The following VPS35L variants were observed in gnomAD, a reference collection of about 807,000 sequenced individuals.
VPS35L encodes VPS35 endosomal protein-sorting factor-like.
In VPS35L, 83 loss-of-function variants were observed where a neutral mutation model predicts 133.0. That is an observed-to-expected ratio of 0.62 (90% CI 0.52 to 0.75). The LOEUF (loss-of-function observed/expected upper bound fraction) is 0.75, where lower values mean the gene tolerates loss of function less well. Among genes scored for constraint, VPS35L ranks in the 30% least tolerant of loss-of-function variants. VPS35L has a pLI of 0.00. For missense variants in VPS35L, 1,083 were observed against 1,206.8 expected (o/e 0.90, Z 1.52); for synonymous variants, 423 against 449.9 (o/e 0.94, Z 0.76).
At chr16:19,635,456 AC>A (rs1189860066) in intron 19 of VPS35L, among the ~76,000 whole-genome samples, 2 of 152,240 alleles carry the variant, frequency 1.3e-5, no homozygotes, top group Non-Finnish European at 2.9e-5. Context: ...TTGTGAACTA[AC>A]ACAGACTAAA....
chr16:19,648,961 A>C (rs1159258866), intron 24 of VPS35L, among the ~76,000 whole-genome samples: 1 of 151,352 alleles, frequency 6.6e-6, no homozygotes, highest in East Asian at 1.9e-4. Context: ...GAAAGTATAT[A>C]TATAAATTGA....
chr16:19,561,450 G>A (rs1178053920), intron 1 of VPS35L, among the ~76,000 whole-genome samples: 3 of 152,182 alleles, frequency 2.0e-5, no homozygotes, highest in South Asian at 2.1e-4. Flanking sequence ...ACTTGAAGCC[G>A]AGTTCATTTA....
chr16:19,590,345 G>T (rs1972007788), intron 7 of VPS35L, among the ~76,000 whole-genome samples: 2 of 151,988 alleles, frequency 1.3e-5, no homozygotes, highest in Admixed American at 1.3e-4. Flanking sequence ...CTGCATATTG[G>T]AATTGCATAT....
chr16:19,600,908 G>A (rs1412994099), intron 8 of VPS35L, among the ~76,000 whole-genome samples: 1 of 152,154 alleles, frequency 6.6e-6, no homozygotes, highest in Non-Finnish European at 1.5e-5. Context: ...TGGCATGTGA[G>A]TTCTCCCAAG....
At chr16:19,649,622 C>T (rs61611363) in intron 24 of VPS35L, among the ~76,000 whole-genome samples, 11,306 of 152,242 alleles carry the variant, frequency 0.074, 1,116 homozygotes, top group African/African-American at 0.22. Context: ...AAAACGGTGG[C>T]GCCCCTGTGA....
chr16:19,595,812 C>G (rs1972196904), intron 8 of VPS35L, among the ~76,000 whole-genome samples: 1 of 152,214 alleles, frequency 6.6e-6, no homozygotes, highest in South Asian at 2.1e-4. Flanking sequence ...AAACCTTCAA[C>G]AGATGATGAC....
intron 27 of VPS35L, among the ~76,000 whole-genome samples, chr16:19,680,501 C>T (rs1975234170): frequency 6.6e-6 from 1 of 152,160 alleles, no homozygotes; most frequent in African/African-American, 2.4e-5. Context: ...GCCTGTCCTC[C>T]TGGAGGTTAT....
At chr16:19,572,978 T>C in intron 3 of VPS35L, 141 bp from the exon 4 acceptor site, 1 of 992,242 alleles carries the variant, frequency 1.0e-6, no homozygotes, top group Non-Finnish European at 1.4e-6. Context: ...CCTGGCGCTG[T>C]AATTTTTTTT....
chr16:19,623,197 TC>T (rs1474284375), intron 14 of VPS35L, among the ~76,000 whole-genome samples: 3 of 138,868 alleles, frequency 2.2e-5, no homozygotes, highest in Admixed American at 2.1e-4. Flanking sequence ...CTGCTTGGGC[TC>T]CCTTAACAAA....
intron 7 of VPS35L, among the ~76,000 whole-genome samples, chr16:19,590,902 C>G (rs952878309): frequency 2.0e-5 from 3 of 152,118 alleles, no homozygotes; most frequent in African/African-American, 7.2e-5. Context: ...CTGCAGTAAG[C>G]TATGATTGCA....
intron 21 of VPS35L, among the ~76,000 whole-genome samples, chr16:19,641,657 C>A (rs1015735484): frequency 2.6e-5 from 4 of 151,872 alleles, no homozygotes; most frequent in African/African-American, 7.3e-5. Context: ...AATTTACTTA[C>A]CTAAAGATTT....
At chr16:19,681,277 TTC>T (rs1491193840) in intron 27 of VPS35L, among the ~76,000 whole-genome samples, 1 of 152,238 alleles carries the variant, frequency 6.6e-6, no homozygotes, top group African/African-American at 2.4e-5. Flanking sequence ...GCTGGGGTAT[TTC>T]TCCCCCATTC....
intron 26 of VPS35L, among the ~76,000 whole-genome samples, chr16:19,664,838 T>C (rs1188894601): frequency 6.6e-6 from 1 of 150,864 alleles, no homozygotes; most frequent in African/African-American, 2.4e-5. Flanking sequence ...AGGCGGAGGC[T>C]GCAGTGAGCT....
At chr16:19,607,248 C>G (rs1972563891) in intron 9 of VPS35L, among the ~76,000 whole-genome samples, 1 of 152,172 alleles carries the variant, frequency 6.6e-6, no homozygotes, top group Admixed American at 6.5e-5. Flanking sequence ...GGCCGATGGG[C>G]CAGCTAGCCC....
At chr16:19,577,809 A>C (rs1236991041) in intron 5 of VPS35L, among the ~76,000 whole-genome samples, 1 of 152,188 alleles carries the variant, frequency 6.6e-6, no homozygotes, top group Non-Finnish European at 1.5e-5. Context: ...GTGAAAACAC[A>C]GCAGGAGGGC....
intron 11 of VPS35L, 57 bp from the exon 12 acceptor site, chr16:19,610,265 A>G (rs1206355747): frequency 2.8e-6 from 4 of 1,425,006 alleles, no homozygotes; most frequent in Admixed American, 1.9e-5. Flanking sequence ...TTAAAAAATT[A>G]AAGAACAGCG....
At chr16:19,676,594 G>A (rs1975070394) in intron 27 of VPS35L, among the ~76,000 whole-genome samples, 1 of 152,092 alleles carries the variant, frequency 6.6e-6, no homozygotes, top group African/African-American at 2.4e-5. Flanking sequence ...GCAAGAAATG[G>A]AAATGCTACT....
chr16:19,617,134 T>A, intron 14 of VPS35L: 1 of 564,180 alleles, frequency 1.8e-6, no homozygotes, highest in Non-Finnish European at 3.1e-6. Flanking sequence ...GGTGGGAGGA[T>A]CACTTGATTT....
At chr16:19,683,032 C>T (rs1597433204) in intron 28 of VPS35L, among the ~76,000 whole-genome samples, 1 of 152,184 alleles carries the variant, frequency 6.6e-6, no homozygotes, top group South Asian at 2.1e-4. Context: ...TGAAGCAGTC[C>T]TCCCACCTCA....
Sources: allele counts gnomAD v4.1 joint callset (sites outside exome capture counted in the v4.1 genomes callset), GRCh38; gene constraint gnomAD v4.1.1; transcripts MANE v1.5; gene names NCBI Gene and HGNC (gene_info 2026-07-23, HGNC 2026-07-21).